Variants in SCOC observed in about 807,000 individuals in gnomAD.
SCOC encodes short coiled coil protein.
A neutral mutation model predicts 9.9 loss-of-function variants in SCOC; 7 were observed. The ratio of observed to expected loss-of-function variants is 0.71; its 90% confidence interval spans 0.40 to 1.33. The LOEUF (loss-of-function observed/expected upper bound fraction) is 1.33. Among genes scored for constraint, SCOC ranks in the 40% most tolerant of loss-of-function variants. The probability of loss-of-function intolerance (pLI) is 0.01; values close to 1 mark genes in which losing one functional copy is unlikely to be tolerated. For missense variants in SCOC, 66 were observed against 89.7 expected (o/e 0.74, Z 1.07); for synonymous variants, 19 against 28.2 (o/e 0.67, Z 1.03).
At chr4:140,303,038 G>A (rs1287237145) in intron 1 of SCOC, among the ~76,000 whole-genome samples, 2 of 152,152 alleles carry the variant, frequency 1.3e-5, no homozygotes, top group African/African-American at 4.8e-5. Context: ...TACTAACAAG[G>A]AGAGGCTGTG....
At chr4:140,296,150 A>C (rs986749870) in intron 1 of SCOC, among the ~76,000 whole-genome samples, 1 of 152,066 alleles carries the variant, frequency 6.6e-6, no homozygotes, top group Admixed American at 6.5e-5. Flanking sequence ...GTCGATCCAC[A>C]TGCCTAGGTG....
At chr4:140,356,046 T>C (rs893006505) in intron 2 of SCOC, among the ~76,000 whole-genome samples, 6 of 152,180 alleles carry the variant, frequency 3.9e-5, no homozygotes, top group African/African-American at 1.4e-4. Flanking sequence ...TGGTGATACA[T>C]GTGAAAAGTT....
At chr4:140,338,325 A>G (rs1733018680) in intron 1 of SCOC, among the ~76,000 whole-genome samples, 2 of 152,336 alleles carry the variant, frequency 1.3e-5, no homozygotes, top group South Asian at 2.1e-4. Context: ...ATTTATGACA[A>G]ACCCACAACC....
intron 1 of SCOC, chr4:140,285,113 G>C (rs1045312610): frequency 2.7e-5 from 12 of 450,410 alleles, no homozygotes; most frequent in Non-Finnish European, 5.4e-5. Context: ...TTAGAGAATC[G>C]AGGCAAACTC....
At chr4:140,325,677 C>T (rs541923735) in intron 1 of SCOC, among the ~76,000 whole-genome samples, 4 of 151,960 alleles carry the variant, frequency 2.6e-5, no homozygotes, top group East Asian at 1.9e-4. Context: ...TAGAGAAAAA[C>T]GTGGCAGTAT....
At chr4:140,299,869 C>A (rs1327416299) in intron 1 of SCOC, among the ~76,000 whole-genome samples, 1 of 152,172 alleles carries the variant, frequency 6.6e-6, no homozygotes, top group Non-Finnish European at 1.5e-5. Flanking sequence ...CTTCACAGTC[C>A]TTTGTTCTCC....
chr4:140,311,056 A>T (rs149664637), intron 1 of SCOC, among the ~76,000 whole-genome samples: 1 of 152,220 alleles, frequency 6.6e-6, no homozygotes, highest in East Asian at 1.9e-4. Flanking sequence ...CCTCAATCTA[A>T]CTTATCCTTA....
At chr4:140,285,997 C>T (rs1287826568) in intron 1 of SCOC, among the ~76,000 whole-genome samples, 2 of 152,006 alleles carry the variant, frequency 1.3e-5, no homozygotes, top group Non-Finnish European at 2.9e-5. Flanking sequence ...CCAGCCTGGC[C>T]AACAAGGCGA....
intron 1 of SCOC, among the ~76,000 whole-genome samples, chr4:140,260,664 T>C (rs1730611454): frequency 6.6e-6 from 1 of 152,180 alleles, no homozygotes; most frequent in Non-Finnish European, 1.5e-5. Context: ...ACTTCTACAG[T>C]GTATGTTTAA....
In SCOC at chr4:140,379,114, A is replaced by T. The variant is rs190711054; in HGVS notation, c.-50-7A>T. ...GTGTCTATATTTCTGAATTTTTCTT[A>T]TTGTAGACCATTCCTCAAGAATTTT... On this transcript the variant is annotated splice_region_variant and splice_polypyrimidine_tract_variant and intron_variant, in intron 1 of 3. Coordinates refer to ENST00000608372, the MANE Select transcript of SCOC (RefSeq NM_001153484.2). 350 of 1,567,516 alleles carry T rather than the reference A, an allele frequency of 2.2e-4. 3 individuals carry two copies. The African/African-American group carries it at 4.2e-3, about 19-fold the overall frequency.
chr4:140,259,286 C>T (rs1730577570), intron 1 of SCOC, among the ~76,000 whole-genome samples: 2 of 152,198 alleles, frequency 1.3e-5, no homozygotes, highest in South Asian at 4.1e-4. Flanking sequence ...CCTTTCTTCA[C>T]TTCATAATAT....
At chr4:140,258,943 A>G (rs867513679) in intron 1 of SCOC, among the ~76,000 whole-genome samples, 38 of 152,264 alleles carry the variant, frequency 2.5e-4, no homozygotes, top group Non-Finnish European at 1.2e-4. Context: ...TTCACTAAAA[A>G]GCAGATGTGC....
At chr4:140,362,186 C>CCCATATCTTTGCTTCACACT (rs1560720297) in intron 2 of SCOC, among the ~76,000 whole-genome samples, 1 of 151,074 alleles carries the variant, frequency 6.6e-6, no homozygotes, top group Non-Finnish European at 1.5e-5. Flanking sequence ...TGCTTCACTG[C>CCCATATCTTTGCTTCACACT]GATGAGTGTT....
At chr4:140,341,208 A>T (rs1726501070), upstream of SCOC, among the ~76,000 whole-genome samples, 1 of 152,190 alleles carries the variant, frequency 6.6e-6, no homozygotes, top group African/African-American at 2.4e-5. Flanking sequence ...CAAAACATAA[A>T]GTTGGTTGTA....
chr4:140,372,664 A>C (rs1728104333), upstream of SCOC, among the ~76,000 whole-genome samples: 1 of 152,250 alleles, frequency 6.6e-6, no homozygotes, highest in Non-Finnish European at 1.5e-5. Context: ...TATAGCTCTT[A>C]AAATGATTAA....
intron 1 of SCOC, among the ~76,000 whole-genome samples, chr4:140,308,379 G>A (rs975215191): frequency 6.6e-6 from 1 of 152,154 alleles, no homozygotes; most frequent in African/African-American, 2.4e-5. Context: ...GAGCCTGGGA[G>A]GATTTCTGGT....
At chr4:140,288,008 T>C (rs1731347943) in intron 1 of SCOC, among the ~76,000 whole-genome samples, 1 of 151,882 alleles carries the variant, frequency 6.6e-6, no homozygotes, top group Admixed American at 6.6e-5. Flanking sequence ...ACCACACATG[T>C]ACATACACCC....
At chr4:140,326,056 G>A (rs1299370894) in intron 1 of SCOC, among the ~76,000 whole-genome samples, 2 of 152,036 alleles carry the variant, frequency 1.3e-5, no homozygotes, top group Non-Finnish European at 2.9e-5. Context: ...CATTCTGTAA[G>A]TGAAACAAGC....
At chr4:140,334,561 T>C (rs575245278) in intron 1 of SCOC, among the ~76,000 whole-genome samples, 2 of 152,308 alleles carry the variant, frequency 1.3e-5, no homozygotes, top group South Asian at 4.1e-4. Context: ...GCGAAACTGT[T>C]TTTTTTCCTA....
Sources: gnomAD v4.1 joint callset for allele counts (sites outside exome capture counted in the v4.1 genomes callset) on GRCh38, gnomAD v4.1.1 for gene constraint, MANE v1.5 for transcripts, NCBI Gene and HGNC (gene_info 2026-07-23, HGNC 2026-07-21) for gene names.